The following CTNNA3 variants were observed in gnomAD, a reference collection of about 807,000 sequenced individuals.
CTNNA3 encodes the protein catenin alpha 3.
Under a neutral mutation model 95.7 loss-of-function variants are expected in CTNNA3, and 76 were observed. That is an observed-to-expected ratio of 0.79 (90% CI 0.66 to 0.96). The LOEUF (loss-of-function observed/expected upper bound fraction) is 0.96, where lower values mean the gene tolerates loss of function less well. CTNNA3 is among the 40% of genes least tolerant of loss of function. The pLI, the probability that CTNNA3 is intolerant of heterozygous loss-of-function variation, is 0.00. For synonymous variants in CTNNA3, 431 were observed against 374.4 expected (o/e 1.15, Z -1.74); for missense variants, 1,191 against 1,089.8 (o/e 1.09, Z -1.31).
chr10:66,608,991 A>T (rs962661062), intron 10 of CTNNA3, among the ~76,000 whole-genome samples: 2 of 149,874 alleles, frequency 1.3e-5, no homozygotes, highest in African/African-American at 5.1e-5. Context: ...CATTCAACAG[A>T]GTGTAACAGA....
chr10:67,750,737 G>T (rs1841402622), intron 1 of CTNNA3: 1 of 1,586,182 alleles, frequency 6.3e-7, no homozygotes, highest in African/African-American at 1.3e-5. Context: ...GTGGATGAGG[G>T]GCTGGTGAAA....
At chr10:66,166,437 C>G (rs1017672725) in intron 13 of CTNNA3, among the ~76,000 whole-genome samples, 1 of 148,748 alleles carries the variant, frequency 6.7e-6, no homozygotes, top group African/African-American at 2.5e-5. Flanking sequence ...GAGTTTGAAC[C>G]GAGCTGAGAT....
intron 10 of CTNNA3, among the ~76,000 whole-genome samples, chr10:66,568,810 A>T (rs2132157716): frequency 6.6e-6 from 1 of 152,040 alleles, no homozygotes; most frequent in East Asian, 2.0e-4. Context: ...ACAAAGAGAA[A>T]CTGATAACAG....
At chr10:67,503,365 T>C (rs1472397665) in intron 5 of CTNNA3, among the ~76,000 whole-genome samples, 1 of 152,232 alleles carries the variant, frequency 6.6e-6, no homozygotes, top group Admixed American at 6.5e-5. Context: ...ATTACCCACC[T>C]TCTGCATTGA....
chr10:66,963,362 G>T (rs911934670), intron 7 of CTNNA3, among the ~76,000 whole-genome samples: 93 of 152,254 alleles, frequency 6.1e-4, no homozygotes, highest in African/African-American at 2.1e-3. Flanking sequence ...TTTGCTTGTA[G>T]TATGGAAAAT....
chr10:67,748,835 G>T (rs1230766479), intron 1 of CTNNA3, among the ~76,000 whole-genome samples: 1 of 152,098 alleles, frequency 6.6e-6, no homozygotes, highest in East Asian at 1.9e-4. Context: ...AGATGAATTG[G>T]TGTGCTGTCT....
At chr10:66,767,498 A>C (rs1008483761) in intron 8 of CTNNA3, among the ~76,000 whole-genome samples, 1 of 152,090 alleles carries the variant, frequency 6.6e-6, no homozygotes, top group Non-Finnish European at 1.5e-5. Flanking sequence ...TTTCATTAAC[A>C]ATGTCAATGA....
intron 7 of CTNNA3, among the ~76,000 whole-genome samples, chr10:67,152,830 A>T (rs1861144168): frequency 6.6e-6 from 1 of 152,192 alleles, no homozygotes; most frequent in Non-Finnish European, 1.5e-5. Context: ...AAGGAATCTA[A>T]GTTTTTTATA....
Position 65,914,533 on chromosome 10 carries a change from A to C in CTNNA3, c.*5797T>G, listed in dbSNP as rs1416860123. 1 of 152,178 alleles carries C rather than the reference A, an allele frequency of 6.6e-6. No individual in the cohort carries two copies. Among genetic ancestry groups the C allele is most frequent in the Non-Finnish European group, 1.5e-5 (1 of 68,024 alleles). The allele number at this position is 152,178 out of a possible 1,614,324, so 9.4% of individuals were successfully genotyped here. A position where few individuals can be genotyped will look rare whatever the true frequency, so the allele number is the denominator to read the frequency against. The stretch of plus-strand genomic sequence containing the variant: ...ACACGTGTGACCTCCATAAAGAAGG[A>C]AAGATGTATTTGCTACAGTTTGGGT... On this transcript the variant is annotated 3_prime_UTR_variant, in exon 18 of 18. Coordinates refer to ENST00000433211, the MANE Select transcript of CTNNA3 (RefSeq NM_013266.4).
chr10:66,783,719 A>C (rs1346320075), intron 7 of CTNNA3, among the ~76,000 whole-genome samples: 2 of 152,186 alleles, frequency 1.3e-5, no homozygotes, highest in Non-Finnish European at 2.9e-5. Context: ...TTACACACAT[A>C]GACCAAATAA....
intron 15 of CTNNA3, among the ~76,000 whole-genome samples, chr10:66,028,939 G>A (rs185996524): frequency 4.7e-4 from 72 of 152,018 alleles, no homozygotes; most frequent in African/African-American, 1.7e-3. Flanking sequence ...AACAAAAAAT[G>A]AAACTAAAAG....
At chr10:67,371,164 C>T (rs1843431421) in intron 5 of CTNNA3, among the ~76,000 whole-genome samples, 2 of 151,802 alleles carry the variant, frequency 1.3e-5, no homozygotes, top group Non-Finnish European at 1.5e-5. Context: ...CCGCGCCCGG[C>T]CAAGAGGAAG....
intron 6 of CTNNA3, among the ~76,000 whole-genome samples, chr10:67,207,066 G>T (rs1485282769): frequency 1.3e-5 from 2 of 152,100 alleles, no homozygotes; most frequent in Non-Finnish European, 2.9e-5. Flanking sequence ...GGGAGGCGGA[G>T]GTTGCAGTGA....
intron 6 of CTNNA3, among the ~76,000 whole-genome samples, chr10:67,194,480 A>G (rs1275887393): frequency 6.6e-6 from 1 of 152,070 alleles, no homozygotes; most frequent in African/African-American, 2.4e-5. Flanking sequence ...CATCCTATGT[A>G]ATTCCAACTA....
intron 9 of CTNNA3, among the ~76,000 whole-genome samples, chr10:66,623,915 T>G (rs1027382344): frequency 6.6e-6 from 1 of 152,208 alleles, no homozygotes; most frequent in African/African-American, 2.4e-5. Flanking sequence ...CTAATGATGA[T>G]TCTTCCTAAA....
chr10:67,455,649 C>T (rs1376148201), intron 5 of CTNNA3, among the ~76,000 whole-genome samples: 2 of 152,092 alleles, frequency 1.3e-5, no homozygotes, highest in Non-Finnish European at 2.9e-5. Flanking sequence ...GGTCATCCTC[C>T]CCAAAACCCA....
At chr10:66,274,869 T>C (rs1246018600) in intron 13 of CTNNA3, among the ~76,000 whole-genome samples, 2 of 152,118 alleles carry the variant, frequency 1.3e-5, no homozygotes, top group East Asian at 1.9e-4. Context: ...TTCAGGAATA[T>C]GATCAATCCC....
intron 15 of CTNNA3, among the ~76,000 whole-genome samples, chr10:66,036,618 C>T (rs4746542): frequency 0.33 from 50,266 of 151,846 alleles, 8,339 homozygotes; most frequent in South Asian, 0.42. Context: ...TCAGGTGATC[C>T]ACCCACCTCA....
chr10:66,122,842 C>G (rs749825965), intron 13 of CTNNA3, among the ~76,000 whole-genome samples: 14 of 152,174 alleles, frequency 9.2e-5, no homozygotes, highest in Non-Finnish European at 1.8e-4. Context: ...ACCATCAGAT[C>G]TTGTGAGACT....
Sources: allele counts gnomAD v4.1 joint callset (sites outside exome capture counted in the v4.1 genomes callset), GRCh38; gene constraint gnomAD v4.1.1; transcripts MANE v1.5; gene names NCBI Gene and HGNC (gene_info 2026-07-23, HGNC 2026-07-21).